MAP2K5: variants seen among roughly 807,000 people sequenced by gnomAD.
MAP2K5 encodes the protein dual specificity mitogen-activated protein kinase kinase 5.
A neutral mutation model predicts 83.1 loss-of-function variants in MAP2K5; 49 were observed. The ratio of observed to expected loss-of-function variants is 0.59; its 90% CI spans 0.47 to 0.75. The LOEUF (loss-of-function observed/expected upper bound fraction) is 0.75. MAP2K5 is among the 30% of genes least tolerant of loss of function. The pLI is 0.00. For synonymous variants in MAP2K5, 202 were observed against 191.8 expected, an observed-to-expected ratio of 1.05 and a Z score of -0.44; for missense variants, 457 against 557.5, an observed-to-expected ratio of 0.82 and a Z score of 1.82.
At chr15:67,628,514 C>T in intron 8 of MAP2K5, 1 of 738,242 alleles carries the variant, frequency 1.4e-6, no homozygotes, top group Non-Finnish European at 2.3e-6. Context: ...AAAAAAGACA[C>T]TGAGGAATAT....
intron 7 of MAP2K5, among the ~76,000 whole-genome samples, chr15:67,597,099 G>A (rs1324492211): frequency 3.3e-5 from 5 of 151,642 alleles, no homozygotes; most frequent in African/African-American, 4.9e-5. Flanking sequence ...AACCCGGGAG[G>A]CGGAGCTTGC....
chr15:67,624,138 G>A (rs1197425688), intron 8 of MAP2K5, among the ~76,000 whole-genome samples: 1 of 151,300 alleles, frequency 6.6e-6, no homozygotes, highest in Non-Finnish European at 1.5e-5. Flanking sequence ...AGGAGATCGA[G>A]ACCATCCTGG....
At chr15:67,727,635 G>A (rs2089127919) in intron 16 of MAP2K5, among the ~76,000 whole-genome samples, 1 of 152,144 alleles carries the variant, frequency 6.6e-6, no homozygotes, top group African/African-American at 2.4e-5. Context: ...TGTGAATAAT[G>A]CCCATATAGC....
chr15:67,550,917 G>A (rs2084496967), intron 2 of MAP2K5, among the ~76,000 whole-genome samples: 2 of 152,014 alleles, frequency 1.3e-5, no homozygotes, highest in African/African-American at 4.8e-5. Flanking sequence ...GATTACAGGT[G>A]TGCACCACCA....
At chr15:67,621,109 G>A (rs2086174382) in intron 8 of MAP2K5, among the ~76,000 whole-genome samples, 1 of 151,972 alleles carries the variant, frequency 6.6e-6, no homozygotes, top group Non-Finnish European at 1.5e-5. Flanking sequence ...GGTAGGGGAA[G>A]ATACCTGGCA....
intron 13 of MAP2K5, among the ~76,000 whole-genome samples, chr15:67,674,360 A>T (rs2087626504): frequency 6.6e-6 from 1 of 152,202 alleles, no homozygotes; most frequent in Non-Finnish European, 1.5e-5. Context: ...CACAGTTAAC[A>T]TCCTATCTCC....
At chr15:67,701,805 A>G (rs2088426255) in intron 15 of MAP2K5, among the ~76,000 whole-genome samples, 1 of 152,236 alleles carries the variant, frequency 6.6e-6, no homozygotes, top group African/African-American at 2.4e-5. Context: ...AAAACTGCAC[A>G]TTGAGAAATA....
At chr15:67,753,350 A>C (rs1019133768) in intron 19 of MAP2K5, among the ~76,000 whole-genome samples, 6 of 152,252 alleles carry the variant, frequency 3.9e-5, no homozygotes, top group African/African-American at 1.4e-4. Context: ...GGCTTTATCA[A>C]AATCAAAAAC....
intron 19 of MAP2K5, among the ~76,000 whole-genome samples, chr15:67,754,747 G>A (rs1427274556): frequency 6.6e-6 from 1 of 152,134 alleles, no homozygotes; most frequent in African/African-American, 2.4e-5. Context: ...AGGTATCTAA[G>A]TGTGAGGCAG....
chr15:67,697,870 A>G (rs1280949285), intron 15 of MAP2K5, among the ~76,000 whole-genome samples: 1 of 152,224 alleles, frequency 6.6e-6, no homozygotes, highest in Non-Finnish European at 1.5e-5. Context: ...AAAGACAGGG[A>G]GGTTTTTGTA....
At chr15:67,576,680 A>G (rs999031009) in intron 3 of MAP2K5, among the ~76,000 whole-genome samples, 3 of 147,236 alleles carry the variant, frequency 2.0e-5, no homozygotes, top group Admixed American at 6.8e-5. Context: ...GTAACAGGAG[A>G]AAACATATTT....
intron 19 of MAP2K5, among the ~76,000 whole-genome samples, chr15:67,765,035 C>A (rs1325900457): frequency 1.3e-5 from 2 of 152,164 alleles, no homozygotes; most frequent in Admixed American, 6.5e-5. Flanking sequence ...ACCTTTCACC[C>A]AGTTTCCCTC....
chr15:67,688,249 CT>C (rs780428645), intron 13 of MAP2K5, among the ~76,000 whole-genome samples: 2 of 152,128 alleles, frequency 1.3e-5, no homozygotes, highest in Non-Finnish European at 2.9e-5. Flanking sequence ...TCACAAGGGC[CT>C]TGGGGACCTC....
chr15:67,545,858 C>T (rs1047965184), intron 1 of MAP2K5, among the ~76,000 whole-genome samples: 2 of 152,078 alleles, frequency 1.3e-5, no homozygotes, highest in African/African-American at 4.8e-5. Context: ...ACATAGTAAG[C>T]GCTCCATTAG....
At chr15:67,634,644 A>C (rs1013381515) in intron 9 of MAP2K5, among the ~76,000 whole-genome samples, 7 of 152,116 alleles carry the variant, frequency 4.6e-5, no homozygotes, top group African/African-American at 1.7e-4. Context: ...TGTCCTCTTG[A>C]TAAATCGGCC....
At chr15:67,751,837 G>C (rs574554103) in intron 19 of MAP2K5, among the ~76,000 whole-genome samples, 13 of 152,258 alleles carry the variant, frequency 8.5e-5, no homozygotes, top group Admixed American at 3.9e-4. Flanking sequence ...CATTTTGCCA[G>C]AGTGTTTGGC....
At chr15:67,582,855 C>T (rs979336289) in intron 4 of MAP2K5, among the ~76,000 whole-genome samples, 1 of 146,832 alleles carries the variant, frequency 6.8e-6, no homozygotes, top group Non-Finnish European at 1.5e-5. Flanking sequence ...CACACACACA[C>T]TTCCAATGTT....
intron 6 of MAP2K5, among the ~76,000 whole-genome samples, chr15:67,590,484 T>TCTCTCTCACTCTC (rs1555529592): frequency 7.0e-6 from 1 of 142,980 alleles, no homozygotes; most frequent in Non-Finnish European, 1.5e-5. Context: ...TCTTTGTTTC[T>TCTCTCTCACTCTC]TTTTGAGACA....
intron 8 of MAP2K5, among the ~76,000 whole-genome samples, chr15:67,623,674 C>A (rs548553401): frequency 6.7e-6 from 1 of 150,072 alleles, no homozygotes; most frequent in Non-Finnish European, 1.5e-5. Context: ...CTCGGCTCAT[C>A]GTAACCTCCA....
Sources: allele counts gnomAD v4.1 joint callset (sites outside exome capture counted in the v4.1 genomes callset), GRCh38; gene constraint gnomAD v4.1.1; transcripts MANE v1.5; gene names NCBI Gene and HGNC (gene_info 2026-07-23, HGNC 2026-07-21).